PCDHGB4: variants seen among roughly 807,000 people sequenced by gnomAD.
PCDHGB4 encodes the protein protocadherin gamma-B4.
PCDHGB4 carries 38 observed loss-of-function variants against 60.5 expected under a neutral mutation model. The observed-to-expected ratio is 0.63, with a 90% CI of 0.48 to 0.82. The LOEUF (loss-of-function observed/expected upper bound fraction) is 0.82. PCDHGB4 is among the 40% of genes least tolerant of loss of function. The pLI, the probability that PCDHGB4 is intolerant of heterozygous loss-of-function variation, is 0.00. For missense variants in PCDHGB4, 1,109 were observed against 1,209.6 expected (o/e 0.92, Z 1.23); for synonymous variants, 456 against 509.7 (o/e 0.89, Z 1.42).
intron 1 of PCDHGB4, chr5:141,408,661 G>T (rs1462103250): frequency 1.2e-6 from 2 of 1,613,888 alleles, no homozygotes; most frequent in Middle Eastern, 3.3e-4. Context: ...CACGACTATC[G>T]CTTGACCCTG....
chr5:141,400,538 A>C (rs994052728), intron 1 of PCDHGB4: 5 of 1,613,662 alleles, frequency 3.1e-6, no homozygotes, highest in Non-Finnish European at 4.2e-6. Context: ...AGTTTCATTT[A>C]TGTCTATTCT....
intron 1 of PCDHGB4, among the ~76,000 whole-genome samples, chr5:141,425,778 C>G (rs2096893107): frequency 6.6e-6 from 1 of 152,160 alleles, no homozygotes; most frequent in African/African-American, 2.4e-5. Flanking sequence ...AAGACTTTGC[C>G]TAGTTCTTCC....
chr5:141,459,295 A>C (rs571675117), intron 1 of PCDHGB4, among the ~76,000 whole-genome samples: 2 of 152,368 alleles, frequency 1.3e-5, no homozygotes, highest in South Asian at 4.1e-4. Context: ...ATGGAATCCT[A>C]TAACATATAC....
intron 1 of PCDHGB4, chr5:141,409,616 G>T: frequency 6.2e-7 from 1 of 1,613,882 alleles, no homozygotes; most frequent in African/African-American, 1.3e-5. Context: ...AGCCTCCATT[G>T]CGCAAGTGAG....
At chr5:141,494,363 T>C (rs1264801258) in intron 1 of PCDHGB4, among the ~76,000 whole-genome samples, 1 of 152,206 alleles carries the variant, frequency 6.6e-6, no homozygotes, top group Non-Finnish European at 1.5e-5. Context: ...CTGCAGAGGA[T>C]GCTTTGTTCC....
rs182282975 is a variant in PCDHGB4 at position 141,420,903 on chromosome 5, A to G, written c.2397+30622A>G. The G allele has an allele frequency of 1.7e-5, 5 of 296,804 alleles. No individual in the cohort carries two copies. In the Admixed American group the frequency reaches 1.8e-4, roughly 11 times the overall value. The allele number at this position is 296,804 out of a possible 1,614,324, so 18.4% of individuals were successfully genotyped here. On this transcript the variant is annotated intron_variant, in intron 1 of 3. Transcript: ENST00000519479. ...TGTATCATCGTTTTTAAGCTCTACA[A>G]ATACGTGTGATTCACAAAGGTGAGC...
At position 141,489,090 on chromosome 5, in the gene PCDHGB4, C is replaced by A; in HGVS notation, c.2398-5717C>A. On this transcript the variant is annotated intron_variant, in intron 1 of 3. Transcript: ENST00000519479. The surrounding 1 kb of genome is among the most constrained non-coding windows in gnomAD (Gnocchi z 4.5). Reference sequence around the variant, plus strand: ...CCTGCCCACCCCCGCCACTCGGTGACTAAGAACTGCTGCAAGCAGGCAAAC... The same window carrying A: ...CCTGCCCACCCCCGCCACTCGGTGAATAAGAACTGCTGCAAGCAGGCAAAC... The A allele has an allele frequency of 1.5e-5, 5 of 328,802 alleles. No individual in the cohort carries two copies. The highest frequency in any genetic ancestry group is 4.8e-5 in the East Asian group (1 of 20,928). 20.4% of individuals were successfully genotyped at this position (328,802 alleles called of 1,614,324 possible).
intron 1 of PCDHGB4, chr5:141,441,550 G>C (rs2098254247): frequency 5.4e-6 from 1 of 184,034 alleles, no homozygotes; most frequent in Non-Finnish European, 1.1e-5. Context: ...AGCCTCCATA[G>C]TGTGCAAGTA....
intron 1 of PCDHGB4, chr5:141,403,092 A>G (rs764199669): frequency 6.2e-7 from 1 of 1,614,086 alleles, no homozygotes; most frequent in East Asian, 2.2e-5. Flanking sequence ...ATTGTGGGCA[A>G]CATCTCCAAG....
chr5:141,427,892 C>G (rs752723370), intron 1 of PCDHGB4: 2 of 1,567,044 alleles, frequency 1.3e-6, no homozygotes, highest in African/African-American at 2.7e-5. Context: ...ACGACCAGGG[C>G]TCGCCCGCGC....
At chr5:141,497,969 C>T (rs1595499086) in intron 2 of PCDHGB4, among the ~76,000 whole-genome samples, 1 of 152,160 alleles carries the variant, frequency 6.6e-6, no homozygotes. Flanking sequence ...GCAGTGTTCT[C>T]GATGTGGGAG....
intron 1 of PCDHGB4, among the ~76,000 whole-genome samples, chr5:141,444,372 T>C (rs967151811): frequency 6.6e-6 from 1 of 151,998 alleles, no homozygotes. Context: ...GGTTTCTCCA[T>C]GTTGGTCAGG....
At chr5:141,410,097 T>G (rs745439318) in intron 1 of PCDHGB4, 3 of 1,612,664 alleles carry the variant, frequency 1.9e-6, no homozygotes, top group Non-Finnish European at 2.5e-6. Context: ...GCTCGAGCCT[T>G]AGGCGACAGG....
At chr5:141,445,148 C>T (rs1051995635) in intron 1 of PCDHGB4, among the ~76,000 whole-genome samples, 3 of 152,092 alleles carry the variant, frequency 2.0e-5, no homozygotes, top group Non-Finnish European at 4.4e-5. Context: ...TCTAATTGTT[C>T]ATTTCTAGTT....
intron 1 of PCDHGB4, chr5:141,409,901 C>T (rs1157563397): frequency 6.2e-7 from 1 of 1,613,264 alleles, no homozygotes; most frequent in East Asian, 2.2e-5. Flanking sequence ...GTACCCAGCT[C>T]TGGGTCCTGA....
Position 141,388,115 on chromosome 5 carries a change from G to C in PCDHGB4, c.231G>C (p.Val77=), listed in dbSNP as rs747417828. The part of the protein sequence containing the change: ...RVSSEKPYFT[V]SAESGELLVS... ...GTTCGGAGAAGCCTTACTTCACCGT[G>C]AGCGCAGAGAGCGGGGAGTTGCTTG... The change falls in exon 1 of 4, where the codon GTG becomes GTC. Residue 77 remains valine, a synonymous_variant. Coordinates refer to ENST00000519479, the MANE Select transcript of PCDHGB4 (RefSeq NM_003736.4). The C allele has an allele frequency of 7.1e-7, 1 of 1,410,070 alleles. No individual in the cohort carries two copies. The allele number at this position is 1,410,070 out of a possible 1,614,324, so 87.3% of individuals were successfully genotyped here.
At chr5:141,415,824 CT>C (rs1412807947) in intron 1 of PCDHGB4, 8 of 1,306,364 alleles carry the variant, frequency 6.1e-6, no homozygotes, top group Non-Finnish European at 7.8e-6. Flanking sequence ...TATCATAAGG[CT>C]TTGTTATGAT....
Position 141,490,148 on chromosome 5 carries a change from A to T in PCDHGB4, c.2398-4659A>T. On this transcript the variant is annotated intron_variant, in intron 1 of 3. Transcript: ENST00000519479. This position sits in a 1 kb window ranked among gnomAD's most constrained non-coding sequence, Gnocchi z 5.4. The stretch of plus-strand genomic sequence containing the variant: ...CTAGACCCTAGCAGTGGGGCAATCC[A>T]TGTGTTGGGTCCCATAGACTTTGAG... The T allele has an allele frequency of 6.2e-7, 1 of 1,614,232 alleles. No homozygotes were observed. The highest frequency in any genetic ancestry group is 1.3e-5 in the African/African-American group (1 of 75,068).
At chr5:141,428,124 C>G in intron 1 of PCDHGB4, 2 of 1,605,400 alleles carry the variant, frequency 1.2e-6, no homozygotes, top group Non-Finnish European at 1.7e-6. Flanking sequence ...CGAGCCCGGG[C>G]TTTTCAGCCT....
Sources: allele counts gnomAD v4.1 joint callset (sites outside exome capture counted in the v4.1 genomes callset), GRCh38; gene constraint gnomAD v4.1.1; non-coding constraint Gnocchi (gnomAD v3.1); transcripts MANE v1.5; gene names NCBI Gene and HGNC (gene_info 2026-07-23, HGNC 2026-07-21).